The following PCF11 variants were observed in gnomAD, a reference collection of about 807,000 sequenced individuals.
PCF11 encodes pre-mRNA cleavage complex 2 protein Pcf11.
PCF11 carries 19 observed loss-of-function variants against 166.1 expected under a neutral mutation model. The ratio of observed to expected loss-of-function variants is 0.11; its 90% CI spans 0.08 to 0.17. The LOEUF (loss-of-function observed/expected upper bound fraction) is 0.17. PCF11 is among the 10% of genes least tolerant of loss of function. The probability of loss-of-function intolerance (pLI) is 1.00; values close to 1 mark genes in which losing one functional copy is unlikely to be tolerated. For missense variants in PCF11, 1,565 were observed against 1,855.5 expected (o/e 0.84, Z 2.88); for synonymous variants, 663 against 644.1 (o/e 1.03, Z -0.44).
chr11:83,162,062 A>G (rs1359460909), intron 2 of PCF11, among the ~76,000 whole-genome samples: 1 of 152,200 alleles, frequency 6.6e-6, no homozygotes, highest in Non-Finnish European at 1.5e-5. Flanking sequence ...CTTATTTTTC[A>G]TATCTAGAGA....
intron 2 of PCF11, among the ~76,000 whole-genome samples, chr11:83,162,936 G>C (rs2135418553): frequency 6.6e-6 from 1 of 152,158 alleles, no homozygotes; most frequent in South Asian, 2.1e-4. Context: ...CATCATGCCT[G>C]GCTAATTTTG....
At chr11:83,165,537 T>G (rs1860416754) in intron 4 of PCF11, 63 bp from the exon 5 acceptor site, 4 of 1,292,142 alleles carry the variant, frequency 3.1e-6, no homozygotes, top group African/African-American at 1.5e-5. Flanking sequence ...TTCAGTTGTT[T>G]GCAATTTCTT....
chr11:83,158,003 G>A (rs1391662904), intron 1 of PCF11: 1 of 179,262 alleles, frequency 5.6e-6, no homozygotes, highest in Non-Finnish European at 1.2e-5. Context: ...GGAAGTGGGA[G>A]AGTGGGTCTC....
At chr11:83,174,063 ATG>A (rs1471705333) in intron 9 of PCF11, among the ~76,000 whole-genome samples, 1 of 152,124 alleles carries the variant, frequency 6.6e-6, no homozygotes, top group African/African-American at 2.4e-5. Flanking sequence ...TTATATGTGT[ATG>A]TGTACAGGAC....
chr11:83,183,492 T>G (rs948852831), intron 15 of PCF11, among the ~76,000 whole-genome samples: 7 of 152,116 alleles, frequency 4.6e-5, no homozygotes, highest in African/African-American at 1.4e-4. Context: ...GTATATTCTT[T>G]TTGTTGTTTT....
At chr11:83,164,479 A>T in intron 4 of PCF11, 78 bp downstream of exon 4, 1 of 1,027,204 alleles carries the variant, frequency 9.7e-7, no homozygotes, top group Non-Finnish European at 1.4e-6. Flanking sequence ...TTTGAATTTT[A>T]TTAACATGTT....
At chr11:83,180,918 C>G in intron 11 of PCF11, 90 bp from the exon 12 acceptor site, 1 of 664,560 alleles carries the variant, frequency 1.5e-6, no homozygotes, top group East Asian at 2.8e-5. Flanking sequence ...ACCATTGTTA[C>G]AGTATGGAAA....
chr11:83,157,477 G>C (rs762040721), exon 1 of PCF11: 21 of 1,612,766 alleles, frequency 1.3e-5, no homozygotes, highest in Admixed American at 5.0e-5. Flanking sequence ...GGTGCTGCGG[G>C]GGCCCGGGAG....
At chr11:83,169,226 T>G (rs199576952) in exon 8 of PCF11, 1 of 1,613,166 alleles carries the variant, frequency 6.2e-7, no homozygotes, top group Non-Finnish European at 8.5e-7. Context: ...GGTCAGTCAG[T>G]AGCTGGTCTG....
At chr11:83,159,250 AT>A (rs1418029055) in intron 1 of PCF11, among the ~76,000 whole-genome samples, 1 of 152,120 alleles carries the variant, frequency 6.6e-6, no homozygotes, top group Admixed American at 6.5e-5. Context: ...CATACTCAAC[AT>A]GCTTTTTATT....
chr11:83,160,744 A>G (rs1017784694), intron 1 of PCF11, among the ~76,000 whole-genome samples: 1 of 152,114 alleles, frequency 6.6e-6, no homozygotes, highest in Non-Finnish European at 1.5e-5. Context: ...ACAAACTTGC[A>G]ACTTCCTGCA....
At chr11:83,177,181 C>G in exon 10 of PCF11, 1 of 1,565,956 alleles carries the variant, frequency 6.4e-7, no homozygotes, top group East Asian at 2.3e-5. Flanking sequence ...CTCAAATTGT[C>G]CCAAACTGAT....
At chr11:83,170,883 C>T (rs561274823) in intron 8 of PCF11, among the ~76,000 whole-genome samples, 2 of 152,250 alleles carry the variant, frequency 1.3e-5, no homozygotes, top group East Asian at 1.9e-4. Context: ...TTCTGTTCAT[C>T]TCTAATGGTA....
exon 16 of PCF11, chr11:83,186,416 T>C (rs1861294008): frequency 6.6e-6 from 1 of 152,250 alleles, no homozygotes; most frequent in Non-Finnish European, 1.5e-5. Flanking sequence ...TTAATTTTTT[T>C]AGTAGAAATG....
chr11:83,160,330 T>TG (rs1860190543), intron 1 of PCF11, among the ~76,000 whole-genome samples: 2 of 145,916 alleles, frequency 1.4e-5, no homozygotes, highest in African/African-American at 5.2e-5. Context: ...AGTTTTTTTT[T>TG]TTTTTTTTTT....
exon 16 of PCF11, chr11:83,184,739 A>G (rs768550358): frequency 6.2e-7 from 1 of 1,611,754 alleles, no homozygotes; most frequent in South Asian, 1.1e-5. Flanking sequence ...CCCCTTGAAT[A>G]TTATGTTGAA....
At chr11:83,157,796 T>A in intron 1 of PCF11, 165 bp downstream of exon 1, 1 of 637,986 alleles carries the variant, frequency 1.6e-6, no homozygotes, top group Non-Finnish European at 2.7e-6. Flanking sequence ...GCTTCGAGCA[T>A]GGGCCTCTGG....
chr11:83,177,226 A>T (rs771406576), intron 10 of PCF11, 22 bp downstream of exon 10: 4 of 1,505,828 alleles, frequency 2.7e-6, no homozygotes. Context: ...TTTATACTTA[A>T]ATTTACACAA....
At chr11:83,164,364 A>G (rs1408771362) in exon 4 of PCF11, 4 of 1,613,406 alleles carry the variant, frequency 2.5e-6, no homozygotes, top group Non-Finnish European at 3.4e-6. Context: ...CAGCAGAAAA[A>G]GCTGGAGCTT....
Sources: allele counts gnomAD v4.1 joint callset (sites outside exome capture counted in the v4.1 genomes callset), GRCh38; gene constraint gnomAD v4.1.1; transcripts MANE v1.5; gene names NCBI Gene and HGNC (gene_info 2026-07-23, HGNC 2026-07-21).